The following UNC13C variants were observed in gnomAD, a reference collection of about 807,000 sequenced individuals.
UNC13C encodes the protein unc-13 homolog C.
A neutral mutation model predicts 245.4 loss-of-function variants in UNC13C; 174 were observed. The ratio of observed to expected loss-of-function variants is 0.71; its 90% CI spans 0.63 to 0.80. UNC13C has a LOEUF of 0.80. Ranked by LOEUF, UNC13C falls within the 30% of genes least tolerant of loss-of-function variation. The pLI, the probability that UNC13C is intolerant of heterozygous loss-of-function variation, is 0.00. For synonymous variants in UNC13C, 992 were observed against 895.1 expected (o/e 1.11, Z -1.93); for missense variants, 2,829 against 2,602.9 (o/e 1.09, Z -1.89).
chr15:54,558,424 G>A (rs1424613947), intron 29 of UNC13C, among the ~76,000 whole-genome samples: 1 of 151,962 alleles, frequency 6.6e-6, no homozygotes, highest in Non-Finnish European at 1.5e-5. Flanking sequence ...CAATCAGTAT[G>A]TACGAAGTTT....
chr15:54,142,193 T>A (rs1380478291), intron 2 of UNC13C, among the ~76,000 whole-genome samples: 5 of 152,180 alleles, frequency 3.3e-5, no homozygotes, highest in Admixed American at 3.3e-4. Flanking sequence ...AAAATGATGA[T>A]GCAGTAGTCC....
At chr15:54,048,426 T>C (rs1897133297) in intron 2 of UNC13C, among the ~76,000 whole-genome samples, 1 of 152,204 alleles carries the variant, frequency 6.6e-6, no homozygotes, top group Admixed American at 6.5e-5. Flanking sequence ...TTTTCAGTTG[T>C]AGAGATTAAT....
the UNC13C span, among the ~76,000 whole-genome samples, chr15:53,941,519 G>T: frequency 0.22 from 34,177 of 151,918 alleles, 4,852 homozygotes; most frequent in Non-Finnish European, 0.31. Context: ...CTACATAATG[G>T]GAGAAAATTC....
At chr15:54,167,081 A>G (rs1347330633) in intron 4 of UNC13C, among the ~76,000 whole-genome samples, 1 of 152,224 alleles carries the variant, frequency 6.6e-6, no homozygotes, top group Non-Finnish European at 1.5e-5. Context: ...TCCAAGATAT[A>G]TTATAAAGCT....
intron 29 of UNC13C, among the ~76,000 whole-genome samples, chr15:54,560,366 T>C (rs1421567316): frequency 1.3e-5 from 2 of 151,932 alleles, no homozygotes; most frequent in African/African-American, 2.4e-5. Flanking sequence ...GAGAGTTTTA[T>C]TGGGATTATA....
chr15:54,280,698 GTATACATACATATATACATATATAAACA>G (rs2036961899), intron 10 of UNC13C, among the ~76,000 whole-genome samples: 4 of 54,594 alleles, frequency 7.3e-5, no homozygotes, highest in African/African-American at 3.3e-4. Context: ...ATAAACATAT[GTATACATACATATATACATATATAAACA>G]TATGTATACA....
the UNC13C span, among the ~76,000 whole-genome samples, chr15:53,843,782 A>G: frequency 1.3e-5 from 2 of 152,168 alleles, no homozygotes; most frequent in Admixed American, 1.3e-4. Flanking sequence ...GTTAGATACT[A>G]AAAAGTTTCC....
chr15:53,964,923 TA>T, the UNC13C span, among the ~76,000 whole-genome samples: 1 of 152,288 alleles, frequency 6.6e-6, no homozygotes, highest in South Asian at 2.1e-4. Context: ...ACATGTATAC[TA>T]ACAAGACATA....
At chr15:54,557,048 C>A (rs1897121477) in intron 29 of UNC13C, among the ~76,000 whole-genome samples, 1 of 152,018 alleles carries the variant, frequency 6.6e-6, no homozygotes, top group Non-Finnish European at 1.5e-5. Flanking sequence ...ATCTTGACAG[C>A]TCAACTATCC....
At chr15:54,059,818 C>G (rs921283475) in intron 2 of UNC13C, among the ~76,000 whole-genome samples, 4 of 152,130 alleles carry the variant, frequency 2.6e-5, no homozygotes, top group African/African-American at 9.7e-5. Context: ...TGCCTCATAT[C>G]TACAAGTATC....
At chr15:54,143,217 G>T (rs1414504231) in intron 3 of UNC13C, among the ~76,000 whole-genome samples, 177 bp downstream of exon 3, 1 of 152,118 alleles carries the variant, frequency 6.6e-6, no homozygotes, top group Non-Finnish European at 1.5e-5. Context: ...CACTTATGGA[G>T]AGGTCACACC....
intron 19 of UNC13C, among the ~76,000 whole-genome samples, chr15:54,477,781 G>A (rs1183055549): frequency 2.7e-5 from 4 of 149,520 alleles, no homozygotes; most frequent in African/African-American, 9.9e-5. Context: ...TTTTTTGGTT[G>A]TGTCTCTGCC....
the UNC13C span, among the ~76,000 whole-genome samples, chr15:53,855,354 G>A: frequency 8.5e-5 from 13 of 152,096 alleles, no homozygotes; most frequent in African/African-American, 2.7e-4. Flanking sequence ...GGTTAGAGAC[G>A]GCATCCTTGT....
intron 30 of UNC13C, among the ~76,000 whole-genome samples, chr15:54,607,353 T>C (rs1899823970): frequency 6.6e-6 from 1 of 152,176 alleles, no homozygotes; most frequent in Non-Finnish European, 1.5e-5. Context: ...TATCTCTGTT[T>C]CTCCATGCTT....
chr15:54,098,638 T>C (rs1461966674), intron 2 of UNC13C, among the ~76,000 whole-genome samples: 1 of 152,164 alleles, frequency 6.6e-6, no homozygotes, highest in Non-Finnish European at 1.5e-5. Context: ...AACACCAGCA[T>C]AAGATAAACA....
At chr15:53,918,584 G>C in the UNC13C span, among the ~76,000 whole-genome samples, 3 of 152,206 alleles carry the variant, frequency 2.0e-5, no homozygotes, top group Admixed American at 6.5e-5. Flanking sequence ...AGCCAAGGCA[G>C]TGCTGAGCAC....
At position 54,151,412 on chromosome 15, in the gene UNC13C, CT is replaced by C. The variant is rs1390370066; in HGVS notation, c.3071+7736del. Among the ~76,000 whole-genome samples the C allele has an allele frequency of 2.6e-5, 4 of 151,924 alleles. No individual in the cohort carries two copies. In the East Asian group the frequency reaches 5.8e-4, roughly 22 times the overall value. ...TTATATGAAAACTACTCTTTTATTC[CT>C]TTTTTTTCTGAGATGGAGTCTCACT... is the stretch of plus-strand genomic sequence containing the variant. On this transcript the variant is annotated intron_variant, in intron 4 of 32. Transcript: ENST00000260323.
chr15:53,961,890 A>G, the UNC13C span, among the ~76,000 whole-genome samples: 1 of 152,204 alleles, frequency 6.6e-6, no homozygotes, highest in Non-Finnish European at 1.5e-5. Flanking sequence ...ATTTGGGGGA[A>G]AAAGAAGGCA....
chr15:54,056,185 C>T (rs1229974410), intron 2 of UNC13C, among the ~76,000 whole-genome samples: 1 of 151,922 alleles, frequency 6.6e-6, no homozygotes, highest in African/African-American at 2.4e-5. Flanking sequence ...AAGTTTGAAC[C>T]AATGGCAAAG....
Sources: gnomAD v4.1 joint callset for allele counts (sites outside exome capture counted in the v4.1 genomes callset) on GRCh38, gnomAD v4.1.1 for gene constraint, MANE v1.5 for transcripts, NCBI Gene and HGNC (gene_info 2026-07-23, HGNC 2026-07-21) for gene names.